Variants in COL4A3 observed in about 807,000 individuals in gnomAD.
COL4A3 encodes the protein collagen type IV alpha 3 chain.
In COL4A3, 135 loss-of-function variants were observed where a neutral mutation model predicts 217.4. That is an observed-to-expected ratio of 0.62 (90% CI 0.54 to 0.72). The LOEUF (loss-of-function observed/expected upper bound fraction) is 0.72. Ranked by LOEUF, COL4A3 falls within the 30% of genes least tolerant of loss-of-function variation. COL4A3 has a pLI of 0.00. For synonymous variants in COL4A3, 690 were observed against 736.3 expected (o/e 0.94, Z 1.02); for missense variants, 1,868 against 2,119.9 (o/e 0.88, Z 2.33).
At chr2:227,231,490 A>C (rs1051426120) in intron 1 of COL4A3, among the ~76,000 whole-genome samples, 1 of 152,132 alleles carries the variant, frequency 6.6e-6, no homozygotes, top group African/African-American at 2.4e-5. Flanking sequence ...CATCCCCTCA[A>C]GCATTTATCC....
intron 43 of COL4A3, among the ~76,000 whole-genome samples, chr2:227,300,850 G>A (rs2073251918): frequency 6.6e-6 from 1 of 152,194 alleles, no homozygotes; most frequent in Admixed American, 6.5e-5. Flanking sequence ...CCTGAGTCTT[G>A]AAAGACGCAT....
At chr2:227,233,811 C>G (rs2068540242) in intron 1 of COL4A3, among the ~76,000 whole-genome samples, 1 of 152,120 alleles carries the variant, frequency 6.6e-6, no homozygotes, top group Admixed American at 6.5e-5. Flanking sequence ...GAGCCTCTCA[C>G]CCGACTGCTA....
intron 1 of COL4A3, among the ~76,000 whole-genome samples, chr2:227,218,068 C>CTATATATATAGCTATATATATATA (rs946954566): frequency 3.0e-5 from 2 of 67,700 alleles, no homozygotes; most frequent in Admixed American, 2.4e-4. Flanking sequence ...TATAAAATAA[C>CTATATATATAGCTATATATATATA]TATATATATA....
At chr2:227,166,293 T>C (rs2065275323) in intron 1 of COL4A3, among the ~76,000 whole-genome samples, 1 of 152,222 alleles carries the variant, frequency 6.6e-6, no homozygotes, top group African/African-American at 2.4e-5. Flanking sequence ...TAAATGCTAC[T>C]AGGCATGATA....
At chr2:227,202,942 T>C (rs1448291995) in intron 1 of COL4A3, among the ~76,000 whole-genome samples, 11 of 43,042 alleles carry the variant, frequency 2.6e-4, no homozygotes, top group African/African-American at 8.0e-4. Context: ...TGTGTATATA[T>C]GTGTATATAT....
At chr2:227,192,290 T>A (rs2066273169) in intron 1 of COL4A3, among the ~76,000 whole-genome samples, 1 of 152,240 alleles carries the variant, frequency 6.6e-6, no homozygotes, top group African/African-American at 2.4e-5. Context: ...GTCTGGTTGT[T>A]GTCTTTCTCC....
At chr2:227,167,498 A>G (rs1451434415) in intron 1 of COL4A3, among the ~76,000 whole-genome samples, 9 of 152,240 alleles carry the variant, frequency 5.9e-5, no homozygotes, top group East Asian at 1.9e-4. Context: ...GAGTGGAGGT[A>G]TAGAAAGCCC....
intron 1 of COL4A3, among the ~76,000 whole-genome samples, chr2:227,229,102 A>G (rs2068250781): frequency 2.6e-5 from 4 of 152,136 alleles, no homozygotes; most frequent in African/African-American, 7.2e-5. Flanking sequence ...GGTGCCCTTC[A>G]CCCTGTACCA....
At chr2:227,228,539 A>AGGCTG (rs1006472562) in intron 1 of COL4A3, 1 of 152,440 alleles carries the variant, frequency 6.6e-6, no homozygotes, top group African/African-American at 2.4e-5. Context: ...CTATTAAACC[A>AGGCTG]GGCTGGGCTG....
chr2:227,310,750 TA>T, intron 50 of COL4A3, 25 bp from the exon 51 acceptor site: 2 of 1,608,668 alleles, frequency 1.2e-6, no homozygotes, highest in Non-Finnish European at 1.7e-6. Flanking sequence ...ACAGAGTGTT[TA>T]TTCAGATTTT....
At chr2:227,173,074 T>A (rs1201499556) in intron 1 of COL4A3, among the ~76,000 whole-genome samples, 1 of 152,134 alleles carries the variant, frequency 6.6e-6, no homozygotes, top group Non-Finnish European at 1.5e-5. Context: ...TCAAGATGTA[T>A]TACAAACATA....
chr2:227,259,241 T>C (rs1043266484), intron 18 of COL4A3: 2 of 152,696 alleles, frequency 1.3e-5, no homozygotes, highest in Non-Finnish European at 1.5e-5. Context: ...CCACTGAGCA[T>C]GTCAGAAACA....
chr2:227,308,873 T>C (rs750617630), intron 48 of COL4A3, 26 bp from the exon 49 acceptor site: 2 of 1,611,000 alleles, frequency 1.2e-6, no homozygotes. Context: ...TTACTGAAAG[T>C]GATACTCAGT....
At chr2:227,249,039 CT>C (rs1194226847) in intron 9 of COL4A3, among the ~76,000 whole-genome samples, 1 of 150,156 alleles carries the variant, frequency 6.7e-6, no homozygotes, top group Non-Finnish European at 1.5e-5. Flanking sequence ...GAAGTGTTTG[CT>C]TTTCTGATTT....
intron 39 of COL4A3, among the ~76,000 whole-genome samples, 193 bp downstream of exon 39, chr2:227,294,763 C>A (rs568418596): frequency 2.6e-5 from 4 of 152,290 alleles, no homozygotes; most frequent in Non-Finnish European, 4.4e-5. Context: ...CTATTCCAAA[C>A]TGATAATCCT....
intron 1 of COL4A3, among the ~76,000 whole-genome samples, chr2:227,215,235 CA>C (rs771286263): frequency 6.6e-6 from 1 of 151,656 alleles, no homozygotes; most frequent in Non-Finnish European, 1.5e-5. Flanking sequence ...TAAAGCAATT[CA>C]AAAAAGTATA....
intron 18 of COL4A3, chr2:227,259,046 C>T (rs1204305774): frequency 1.3e-5 from 2 of 150,652 alleles, no homozygotes; most frequent in African/African-American, 4.9e-5. Context: ...ACCTTTTTTC[C>T]TTCAAGATAA....
chr2:227,288,419 G>A (rs2072474933), intron 34 of COL4A3, among the ~76,000 whole-genome samples: 1 of 152,146 alleles, frequency 6.6e-6, no homozygotes, highest in African/African-American at 2.4e-5. Flanking sequence ...ATGAACAGGA[G>A]AAGAGTATGA....
At chr2:227,202,729 C>T (rs1189928215) in intron 1 of COL4A3, among the ~76,000 whole-genome samples, 6 of 61,670 alleles carry the variant, frequency 9.7e-5, no homozygotes, top group Non-Finnish European at 1.3e-4. Context: ...TGCGAGAATC[C>T]GTCTCTAAAA....
Sources: allele counts gnomAD v4.1 joint callset (sites outside exome capture counted in the v4.1 genomes callset), GRCh38; gene constraint gnomAD v4.1.1; transcripts MANE v1.5; gene names NCBI Gene and HGNC (gene_info 2026-07-23, HGNC 2026-07-21).